The following CNTLN variants were observed in gnomAD, a reference collection of about 807,000 sequenced individuals.
The protein encoded by CNTLN is centlein, centrosomal protein.
A neutral mutation model predicts 180.0 loss-of-function variants in CNTLN; 212 were observed. That is an observed-to-expected ratio of 1.18 (90% CI 1.05 to 1.32). The LOEUF (loss-of-function observed/expected upper bound fraction) is 1.32, where lower values mean the gene tolerates loss of function less well. Ranked by LOEUF, CNTLN falls within the 40% of genes most tolerant of loss-of-function variation. CNTLN has a pLI of 0.00. For missense variants in CNTLN, 2,095 were observed against 1,610.9 expected, an observed-to-expected ratio of 1.30 and a Z score of -5.14; for synonymous variants, 722 against 563.1, an observed-to-expected ratio of 1.28 and a Z score of -3.99.
chr9:17,354,090 C>T (rs1265605120), intron 12 of CNTLN, among the ~76,000 whole-genome samples: 1 of 152,226 alleles, frequency 6.6e-6, no homozygotes, highest in East Asian at 1.9e-4. Context: ...CCAGTGGCTG[C>T]GGAGGGTGTA....
chr9:17,247,784 T>G (rs965466671), intron 5 of CNTLN, among the ~76,000 whole-genome samples: 10 of 150,880 alleles, frequency 6.6e-5, no homozygotes, highest in Non-Finnish European at 1.0e-4. Flanking sequence ...TTTTACTTTT[T>G]TTTTTTTTTT....
chr9:17,342,038 A>G (rs936900878), intron 11 of CNTLN, among the ~76,000 whole-genome samples: 4 of 152,114 alleles, frequency 2.6e-5, no homozygotes, highest in Non-Finnish European at 5.9e-5. Flanking sequence ...TTAAAATTCT[A>G]CAGTGTCTGT....
chr9:17,499,227 G>C (rs1833616753), intron 25 of CNTLN, among the ~76,000 whole-genome samples: 1 of 152,112 alleles, frequency 6.6e-6, no homozygotes, highest in Admixed American at 6.6e-5. Flanking sequence ...TGTTCATGTG[G>C]TACTATAAGA....
At chr9:17,209,089 C>T (rs1358824319) in intron 2 of CNTLN, among the ~76,000 whole-genome samples, 1 of 151,874 alleles carries the variant, frequency 6.6e-6, no homozygotes, top group Non-Finnish European at 1.5e-5. Context: ...ATAAACTTTC[C>T]TGTTAGTACT....
intron 6 of CNTLN, among the ~76,000 whole-genome samples, chr9:17,290,280 A>G (rs9407805): frequency 0.042 from 6,364 of 151,972 alleles, 436 homozygotes; most frequent in African/African-American, 0.15. Context: ...GTGAGGTGTC[A>G]GTCTGCCCCT....
chr9:17,456,919 G>A (rs1332696611), intron 18 of CNTLN, among the ~76,000 whole-genome samples: 1 of 152,116 alleles, frequency 6.6e-6, no homozygotes, highest in African/African-American at 2.4e-5. Context: ...AATTCAAAAT[G>A]TAAGGAGTTT....
intron 2 of CNTLN, among the ~76,000 whole-genome samples, chr9:17,219,118 A>C (rs956198379): frequency 2.6e-5 from 4 of 152,162 alleles, no homozygotes; most frequent in Non-Finnish European, 4.4e-5. Flanking sequence ...TTCATTTTTC[A>C]TTCTAAAGAA....
chr9:17,360,072 G>C (rs1823239705), intron 12 of CNTLN, among the ~76,000 whole-genome samples: 1 of 151,938 alleles, frequency 6.6e-6, no homozygotes, highest in Non-Finnish European at 1.5e-5. Context: ...ATTGTATGTT[G>C]CAATATAGAT....
intron 2 of CNTLN, among the ~76,000 whole-genome samples, chr9:17,189,272 C>T (rs1298208560): frequency 6.6e-6 from 1 of 150,584 alleles, no homozygotes; most frequent in Non-Finnish European, 1.5e-5. Context: ...TTAGTAGAGA[C>T]GGGGTTTCAC....
intron 18 of CNTLN, among the ~76,000 whole-genome samples, chr9:17,428,669 G>A (rs1243020106): frequency 2.0e-5 from 3 of 152,184 alleles, no homozygotes; most frequent in East Asian, 1.9e-4. Flanking sequence ...GAGATCCAGA[G>A]AGTTTAGTTA....
At chr9:17,395,148 A>C in intron 15 of CNTLN, 79 bp downstream of exon 15, 3 of 1,483,966 alleles carry the variant, frequency 2.0e-6, no homozygotes, top group Non-Finnish European at 1.8e-6. Context: ...ATTGAATTTC[A>C]ACTACTGTCG....
At chr9:17,407,110 G>A (rs1827452250) in intron 15 of CNTLN, among the ~76,000 whole-genome samples, 1 of 152,196 alleles carries the variant, frequency 6.6e-6, no homozygotes, top group Non-Finnish European at 1.5e-5. Context: ...CTGGGATACT[G>A]AAATAACTTG....
intron 6 of CNTLN, among the ~76,000 whole-genome samples, chr9:17,292,481 C>T (rs151298722): frequency 1.3e-5 from 2 of 152,078 alleles, no homozygotes; most frequent in Admixed American, 6.5e-5. Context: ...TCCCAAAGTT[C>T]ATGGAGGTTT....
chr9:17,378,400 C>T (rs561948002), intron 13 of CNTLN, among the ~76,000 whole-genome samples: 23 of 152,196 alleles, frequency 1.5e-4, no homozygotes, highest in African/African-American at 4.6e-4. Flanking sequence ...AGGATGGTCT[C>T]GATCTCCTGA....
At chr9:17,365,269 C>T (rs1488123367) in intron 12 of CNTLN, among the ~76,000 whole-genome samples, 5 of 152,110 alleles carry the variant, frequency 3.3e-5, no homozygotes, top group African/African-American at 7.2e-5. Flanking sequence ...TGCTCTTTTC[C>T]TCCTGTTCCA....
downstream of CNTLN, among the ~76,000 whole-genome samples, chr9:17,507,823 C>T (rs1237958601): frequency 1.3e-5 from 2 of 152,176 alleles, no homozygotes; most frequent in Non-Finnish European, 2.9e-5. Flanking sequence ...TCCTCAGTTT[C>T]CTTCTTTCTT....
chr9:17,296,161 C>T (rs569979765), intron 6 of CNTLN, among the ~76,000 whole-genome samples: 88 of 151,978 alleles, frequency 5.8e-4, no homozygotes, highest in African/African-American at 2.0e-3. Context: ...TGCTACCATG[C>T]CCAGCCAATT....
chr9:17,257,206 T>A (rs375949507), intron 5 of CNTLN, among the ~76,000 whole-genome samples: 3 of 151,204 alleles, frequency 2.0e-5, no homozygotes, highest in African/African-American at 4.8e-5. Flanking sequence ...AATTCCCACC[T>A]ATGAGTGAGA....
intron 14 of CNTLN, among the ~76,000 whole-genome samples, chr9:17,393,628 C>T (rs986015613): frequency 3.3e-5 from 5 of 152,152 alleles, no homozygotes; most frequent in African/African-American, 1.2e-4. Flanking sequence ...GTTCTACATA[C>T]CTCACGTTTT....
Sources: allele counts gnomAD v4.1 joint callset (sites outside exome capture counted in the v4.1 genomes callset), GRCh38; gene constraint gnomAD v4.1.1; transcripts MANE v1.5; gene names NCBI Gene and HGNC (gene_info 2026-07-23, HGNC 2026-07-21).